The following KCNH8 variants were observed in gnomAD, a reference collection of about 807,000 sequenced individuals.
KCNH8 encodes potassium voltage-gated channel subfamily H member 8.
A neutral mutation model predicts 103.6 loss-of-function variants in KCNH8; 70 were observed. That is an observed-to-expected ratio of 0.68 (90% CI 0.56 to 0.82). KCNH8 has a LOEUF of 0.82. Ranked by LOEUF, KCNH8 falls within the 40% of genes least tolerant of loss-of-function variation. The probability of loss-of-function intolerance (pLI) is 0.00; values close to 1 mark genes in which losing one functional copy is unlikely to be tolerated. For missense variants in KCNH8, 1,217 were observed against 1,329.9 expected (o/e 0.92, Z 1.32); for synonymous variants, 498 against 489.4 (o/e 1.02, Z -0.23).
At chr3:19,291,873 G>C (rs1438017777) in intron 3 of KCNH8, among the ~76,000 whole-genome samples, 2 of 152,130 alleles carry the variant, frequency 1.3e-5, no homozygotes, top group Non-Finnish European at 2.9e-5. Flanking sequence ...CCGGCATAGG[G>C]CTTCATTCTT....
intron 7 of KCNH8, among the ~76,000 whole-genome samples, chr3:19,435,909 T>G (rs114488314): frequency 6.6e-6 from 1 of 152,298 alleles, no homozygotes; most frequent in Non-Finnish European, 1.5e-5. Context: ...CCTGTACACA[T>G]TGTTAATGCA....
intron 2 of KCNH8, among the ~76,000 whole-genome samples, chr3:19,257,842 C>T (rs1386671011): frequency 7.2e-5 from 11 of 151,992 alleles, no homozygotes; most frequent in Admixed American, 1.3e-4. Flanking sequence ...GCTAGTAGTT[C>T]CTCTAGATGA....
chr3:19,180,856 C>G (rs1367863697), intron 1 of KCNH8, among the ~76,000 whole-genome samples: 2 of 152,118 alleles, frequency 1.3e-5, no homozygotes, highest in East Asian at 1.9e-4. Context: ...TACTTCTGCT[C>G]ACAAGTAATT....
At chr3:19,354,572 T>C (rs2065852217) in intron 5 of KCNH8, among the ~76,000 whole-genome samples, 1 of 151,896 alleles carries the variant, frequency 6.6e-6, no homozygotes, top group Non-Finnish European at 1.5e-5. Flanking sequence ...TCAGAAATAA[T>C]ACCACACATG....
chr3:19,260,967 CATATAT>C (rs138181171), intron 2 of KCNH8, among the ~76,000 whole-genome samples: 5,575 of 132,134 alleles, frequency 0.042, 395 homozygotes, highest in African/African-American at 0.14. Flanking sequence ...GAATAATATT[CATATAT>C]ATATATATAT....
chr3:19,268,939 A>G (rs1363018034), intron 2 of KCNH8, among the ~76,000 whole-genome samples: 3 of 152,134 alleles, frequency 2.0e-5, no homozygotes, highest in Non-Finnish European at 2.9e-5. Flanking sequence ...ACTTTGGGAA[A>G]TGAGAAAGAA....
Position 19,522,170 on chromosome 3 carries a change from C to CA in KCNH8, c.2619+4106dup, listed in dbSNP as rs145083269. ...GAATAAAATGTGTAACATGCCTAAA[C>CA]AAAAAAAAAATGAGCTTTGTAGAAA... On this transcript the variant is annotated intron_variant, in intron 15 of 15. Transcript: ENST00000328405. 1.6e-3 allele frequency among the ~76,000 whole-genome samples: 231 copies of CA among 146,002 alleles called. 2 individuals carry two copies. The South Asian group carries it at 0.016, about 10-fold the overall frequency.
intron 11 of KCNH8, among the ~76,000 whole-genome samples, chr3:19,490,192 C>T (rs991016618): frequency 2.0e-5 from 3 of 152,216 alleles, no homozygotes; most frequent in African/African-American, 4.8e-5. Context: ...CTCAACTGTC[C>T]GTCCTTAATC....
At chr3:19,459,988 T>A (rs2067596554) in intron 11 of KCNH8, among the ~76,000 whole-genome samples, 1 of 152,056 alleles carries the variant, frequency 6.6e-6, no homozygotes. Context: ...CATTTGTTCT[T>A]TTTTGGTCAT....
chr3:19,151,720 A>G (rs2063132281), intron 1 of KCNH8, among the ~76,000 whole-genome samples: 1 of 151,938 alleles, frequency 6.6e-6, no homozygotes, highest in East Asian at 1.9e-4. Flanking sequence ...GTGACACTTT[A>G]TTATTTTACA....
intron 12 of KCNH8, among the ~76,000 whole-genome samples, chr3:19,511,703 T>A (rs1439865909): frequency 1.3e-5 from 2 of 152,128 alleles, no homozygotes; most frequent in Non-Finnish European, 2.9e-5. Flanking sequence ...TATGCCCTCG[T>A]CATTAATTAA....
At chr3:19,504,256 T>C (rs2068648953) in intron 11 of KCNH8, among the ~76,000 whole-genome samples, 1 of 152,104 alleles carries the variant, frequency 6.6e-6, no homozygotes, top group Non-Finnish European at 1.5e-5. Context: ...CCTTGGCAAA[T>C]ACCATTCTGG....
At chr3:19,529,059 A>T (rs1368442441) in intron 15 of KCNH8, among the ~76,000 whole-genome samples, 1 of 152,136 alleles carries the variant, frequency 6.6e-6, no homozygotes, top group Non-Finnish European at 1.5e-5. Flanking sequence ...AAGGAATAGC[A>T]TGCACCAGGG....
At chr3:19,294,915 GT>G (rs1456253931) in intron 3 of KCNH8, among the ~76,000 whole-genome samples, 1 of 152,144 alleles carries the variant, frequency 6.6e-6, no homozygotes, top group Admixed American at 6.5e-5. Context: ...TGAGTAGCTT[GT>G]GATCCTCGGA....
At chr3:19,344,567 C>T (rs1439694397) in intron 4 of KCNH8, among the ~76,000 whole-genome samples, 1 of 152,004 alleles carries the variant, frequency 6.6e-6, no homozygotes, top group African/African-American at 2.4e-5. Context: ...ATATCTTATT[C>T]CTGAAGCAAA....
At chr3:19,467,528 A>G (rs747519078) in intron 11 of KCNH8, among the ~76,000 whole-genome samples, 2 of 152,216 alleles carry the variant, frequency 1.3e-5, no homozygotes, top group Non-Finnish European at 2.9e-5. Flanking sequence ...TGTCAGGAAT[A>G]AGCTGAACTC....
chr3:19,448,953 G>T, intron 8 of KCNH8: 1 of 1,284,002 alleles, frequency 7.8e-7, no homozygotes, highest in Non-Finnish European at 1.0e-6. Context: ...TGTGTCCAAG[G>T]CCTTCTTGGA....
chr3:19,169,242 T>C (rs1359782150), intron 1 of KCNH8, among the ~76,000 whole-genome samples: 1 of 149,764 alleles, frequency 6.7e-6, no homozygotes, highest in Non-Finnish European at 1.5e-5. Context: ...CTCACTCTTT[T>C]GTTTCTTTCT....
chr3:19,374,489 G>C (rs1305645190), intron 5 of KCNH8, among the ~76,000 whole-genome samples: 1 of 151,178 alleles, frequency 6.6e-6, no homozygotes, highest in Non-Finnish European at 1.5e-5. Context: ...ATTTTATTTT[G>C]AGCCTAGTCT....
Sources: gnomAD v4.1 joint callset for allele counts (sites outside exome capture counted in the v4.1 genomes callset) on GRCh38, gnomAD v4.1.1 for gene constraint, MANE v1.5 for transcripts, NCBI Gene and HGNC (gene_info 2026-07-23, HGNC 2026-07-21) for gene names.